Variants in KDSR observed in about 807,000 individuals in gnomAD.
KDSR encodes 3-dehydrosphinganine reductase.
Under a neutral mutation model 41.3 loss-of-function variants are expected in KDSR, and 23 were observed. The observed-to-expected ratio is 0.56, with a 90% CI of 0.40 to 0.79. The LOEUF (loss-of-function observed/expected upper bound fraction) is 0.79. Ranked by LOEUF, KDSR falls within the 30% of genes least tolerant of loss-of-function variation. The probability of loss-of-function intolerance (pLI) is 0.00; values close to 1 mark genes in which losing one functional copy is unlikely to be tolerated. For synonymous variants in KDSR, 138 were observed against 151.7 expected, an observed-to-expected ratio of 0.91 and a Z score of 0.66; for missense variants, 351 against 416.8, an observed-to-expected ratio of 0.84 and a Z score of 1.37.
intron 6 of KDSR, among the ~76,000 whole-genome samples, chr18:63,347,844 A>T (rs1599329747): frequency 6.8e-6 from 1 of 146,144 alleles, no homozygotes; most frequent in Non-Finnish European, 1.5e-5. Context: ...AAGACTGAGT[A>T]AAAAAAAAAG....
intron 8 of KDSR, among the ~76,000 whole-genome samples, chr18:63,337,955 A>G (rs1444340889): frequency 6.6e-6 from 1 of 152,196 alleles, no homozygotes; most frequent in East Asian, 1.9e-4. Flanking sequence ...CAAAACAACA[A>G]CAACAACAAA....
At position 63,362,800 on chromosome 18, in the gene KDSR, T is replaced by C. The variant is rs1366133223; in HGVS notation, c.177A>G (p.Ile59Met). 4 of 1,613,312 alleles carry C rather than the reference T, an allele frequency of 2.5e-6. No homozygotes were observed. The highest frequency in any genetic ancestry group is 2.5e-6 in the Non-Finnish European group (3 of 1,179,322). ...AIECYKQGAF[I>M]TLVARNEDKL... ...TTACCTCATTTCGTGCAACCAGAGT[T>C]ATAAAAGCTCCTTGTTTATAGCACT... The change falls in exon 2 of 10, where the codon ATA becomes ATG. Residue 59 changes from isoleucine to methionine, a missense_variant. Coordinates refer to ENST00000645214, the MANE Select transcript of KDSR (RefSeq NM_002035.4).
At chr18:63,344,032 C>T (rs1228010136) in intron 7 of KDSR, among the ~76,000 whole-genome samples, 3 of 152,088 alleles carry the variant, frequency 2.0e-5, no homozygotes, top group African/African-American at 7.2e-5. Flanking sequence ...TAAAAATTAG[C>T]TAGGTGTGGT....
At chr18:63,334,491 C>T (rs1158037473) in intron 9 of KDSR, among the ~76,000 whole-genome samples, 1 of 152,058 alleles carries the variant, frequency 6.6e-6, no homozygotes, top group African/African-American at 2.4e-5. Context: ...GCTGGGATTA[C>T]AGGCGTCCGC....
At chr18:63,356,684 G>A (rs766884882) in intron 3 of KDSR, among the ~76,000 whole-genome samples, 1 of 152,214 alleles carries the variant, frequency 6.6e-6, no homozygotes, top group African/African-American at 2.4e-5. Context: ...GAGGTAGAAG[G>A]TGTCATGATG....
chr18:63,329,039 G>A lies in KDSR; in HGVS notation c.*2743C>T, dbSNP rs560048048. 11 of 197,182 alleles carry A rather than the reference G, an allele frequency of 5.6e-5. No homozygotes were observed. Among genetic ancestry groups the A allele is most frequent in the Admixed American group, 4.3e-4 (7 of 16,470 alleles). The allele number at this position is 197,182 out of a possible 1,614,324, so 12.2% of individuals were successfully genotyped here. ...TTTAAAAACAAAGTCATTAGTTTCC[G>A]TAACAATCACACTCAGGGTTGGTTC... On this transcript the variant is annotated 3_prime_UTR_variant, in exon 10 of 10. Transcript: ENST00000645214.
intron 1 of KDSR, 42 bp downstream of exon 1, chr18:63,366,969 G>T: frequency 8.9e-7 from 1 of 1,126,268 alleles, no homozygotes; most frequent in Non-Finnish European, 1.2e-6. Flanking sequence ...GAAAGGCCGC[G>T]CGGGCCGGTA....
intron 9 of KDSR, among the ~76,000 whole-genome samples, chr18:63,334,568 C>T (rs1346347103): frequency 1.3e-5 from 2 of 152,208 alleles, no homozygotes; most frequent in South Asian, 2.1e-4. Context: ...AGGCTGGTCT[C>T]AAACTCCTGA....
rs946256354 is a variant in KDSR, at chr18:63,329,614, C to G, written c.*2168G>C. 3 of 200,468 alleles carry G rather than the reference C, an allele frequency of 1.5e-5. No homozygotes were observed. Among genetic ancestry groups the G allele is most frequent in the Admixed American group, 6.0e-5 (1 of 16,600 alleles). The allele number at this position is 200,468 out of a possible 1,614,324, so 12.4% of individuals were successfully genotyped here. A position where few individuals can be genotyped will look rare whatever the true frequency, so the allele number is the denominator to read the frequency against. On this transcript the variant is annotated 3_prime_UTR_variant, in exon 10 of 10. Coordinates refer to ENST00000645214, the MANE Select transcript of KDSR (RefSeq NM_002035.4). ...TGGGATAGGGACAATTGTCTTCTAC[C>G]GCAAAACAGGGGCTCTCAACAGGTG...
rs188186407 is a variant in KDSR at position 63,329,504 on chromosome 18, T to C, written c.*2278A>G. 1.5e-5 allele frequency: 3 copies of C among 204,772 alleles called. No individual in the cohort carries two copies. The highest frequency in any genetic ancestry group is 7.5e-5 in the East Asian group (1 of 13,404). 12.7% of individuals were successfully genotyped at this position (204,772 alleles called of 1,614,324 possible). ...TTTCGAAGTTTCTTTGCTAAGGGAC[T>C]GTAGCCCTTTAACATCTCTGACAAG... On this transcript the variant is annotated 3_prime_UTR_variant, in exon 10 of 10. Coordinates refer to ENST00000645214, the MANE Select transcript of KDSR (RefSeq NM_002035.4).
At position 63,362,858 on chromosome 18, in the gene KDSR, C is replaced by A. The variant is rs776254736; in HGVS notation, c.119G>T (p.Gly40Val). 8.1e-6 allele frequency: 13 copies of A among 1,610,176 alleles called. No homozygotes were observed. Among genetic ancestry groups the A allele is most frequent in the Non-Finnish European group, 9.3e-6 (11 of 1,176,904 alleles). The change falls in exon 2 of 10, where the codon GGT (glycine) becomes GTT (valine). Residue 40 changes from glycine (G) to valine (V), a missense_variant. Transcript: ENST00000645214. Reference sequence around the variant, plus strand: ...AATGCACTTCCCGATGCCACTGGAACCTCCTGTAACCTAAAACAAAATCAT... The same window carrying A: ...AATGCACTTCCCGATGCCACTGGAAACTCCTGTAACCTAAAACAAAATCAT... ...LPGAHVVVTG[G>V]SSGIGKCIAI...
chr18:63,362,673 G>A (rs1480101963), intron 2 of KDSR, 106 bp downstream of exon 2: 4 of 722,874 alleles, frequency 5.5e-6, no homozygotes, highest in African/African-American at 1.8e-5. Flanking sequence ...CTCACATCAA[G>A]GAAGAAGCGC....
intron 6 of KDSR, among the ~76,000 whole-genome samples, chr18:63,348,841 C>A (rs985844678): frequency 3.3e-5 from 5 of 152,212 alleles, no homozygotes; most frequent in African/African-American, 1.2e-4. Flanking sequence ...CCCGCAACCA[C>A]CCCTTCACCT....
intron 7 of KDSR, among the ~76,000 whole-genome samples, chr18:63,344,022 T>G (rs1914426567): frequency 6.6e-6 from 1 of 151,946 alleles, no homozygotes; most frequent in Non-Finnish European, 1.5e-5. Context: ...ACAAAAAAAT[T>G]AAAAATTAGC....
intron 6 of KDSR, among the ~76,000 whole-genome samples, chr18:63,349,006 C>A (rs1185181003): frequency 6.6e-6 from 1 of 152,204 alleles, no homozygotes. Context: ...TGACTTTGAG[C>A]AACACACTGA....
intron 5 of KDSR, 71 bp downstream of exon 5, chr18:63,355,133 A>T: frequency 9.8e-7 from 1 of 1,020,144 alleles, no homozygotes; most frequent in Non-Finnish European, 1.5e-6. Flanking sequence ...ATTGATTCTT[A>T]AAGCTTTTAC....
rs1257754472 is a variant in KDSR, at chr18:63,362,828, A to C, written c.149T>G (p.Ile50Ser). 1.1e-5 allele frequency: 17 copies of C among 1,613,958 alleles called. No individual in the cohort carries two copies. The East Asian group carries it at 3.8e-4, about 36-fold the overall frequency. The change falls in exon 2 of 10, where the codon ATC becomes AGC. Residue 50 changes from isoleucine to serine, a missense_variant. By Grantham distance (142) the Ile-to-Ser change is moderately radical (BLOSUM62 -2). Transcript: ENST00000645214. ...AAAAGCTCCTTGTTTATAGCACTCG[A>C]TAGCAATGCACTTCCCGATGCCACT... ...GSSGIGKCIA[I>S]ECYKQGAFIT...
At chr18:63,350,105 A>G (rs1914621212) in intron 6 of KDSR, among the ~76,000 whole-genome samples, 1 of 152,210 alleles carries the variant, frequency 6.6e-6, no homozygotes, top group African/African-American at 2.4e-5. Flanking sequence ...AGAGGGGATG[A>G]CTGTACACAG....
intron 8 of KDSR, among the ~76,000 whole-genome samples, chr18:63,337,113 AATATATATAT>A (rs139383635): frequency 0.017 from 2,177 of 127,714 alleles, 208 homozygotes; most frequent in African/African-American, 0.066. Context: ...TATATATGTG[AATATATATAT>A]ATATATATAT....
Sources: allele counts gnomAD v4.1 joint callset (sites outside exome capture counted in the v4.1 genomes callset), GRCh38; gene constraint gnomAD v4.1.1; transcripts MANE v1.5; gene names NCBI Gene and HGNC (gene_info 2026-07-23, HGNC 2026-07-21).